The following ARMH3 variants were observed in gnomAD, a reference collection of about 807,000 sequenced individuals.
ARMH3 encodes armadillo-like helical domain-containing protein 3.
Under a neutral mutation model 99.1 loss-of-function variants are expected in ARMH3, and 60 were observed. The observed-to-expected ratio is 0.61, with a 90% CI of 0.49 to 0.75. ARMH3 has a LOEUF of 0.75. Ranked by LOEUF, ARMH3 falls within the 30% of genes least tolerant of loss-of-function variation. The pLI, the probability that ARMH3 is intolerant of heterozygous loss-of-function variation, is 0.00. For synonymous variants in ARMH3, 285 were observed against 292.8 expected, an observed-to-expected ratio of 0.97 and a Z score of 0.27; for missense variants, 679 against 843.1, an observed-to-expected ratio of 0.81 and a Z score of 2.41.
rs550595765 is a variant in ARMH3 at position 101,934,758 on chromosome 10, T to C, written c.1781+5105A>G. ...GGCCTCAAATTACTTACCCTGAAAG[T>C]TGTTTGGTTAGATGAAGGTCAGATT... On this transcript the variant is annotated intron_variant, in intron 23 of 25. Transcript: ENST00000370033. Among the ~76,000 whole-genome samples the C allele has an allele frequency of 2.1e-4, 32 of 152,128 alleles. 1 individual carries two copies. The highest frequency in any genetic ancestry group is 3.1e-4 in the Non-Finnish European group (21 of 68,022).
intron 24 of ARMH3, among the ~76,000 whole-genome samples, chr10:101,870,105 T>C (rs995120152): frequency 1.9e-4 from 29 of 152,144 alleles, no homozygotes; most frequent in East Asian, 3.9e-4. Flanking sequence ...ATTAATAAAA[T>C]TGACAAACCT....
At chr10:102,037,540 CA>C (rs2067306801) in intron 2 of ARMH3, among the ~76,000 whole-genome samples, 1 of 151,900 alleles carries the variant, frequency 6.6e-6, no homozygotes, top group Non-Finnish European at 1.5e-5. Flanking sequence ...GGCCTTCTCA[CA>C]ACGTCCTCAT....
intron 24 of ARMH3, among the ~76,000 whole-genome samples, chr10:101,882,375 T>C (rs907723298): frequency 6.6e-6 from 1 of 152,204 alleles, no homozygotes; most frequent in Non-Finnish European, 1.5e-5. Context: ...AGAGCAGATA[T>C]AAATCACCAT....
intron 23 of ARMH3, among the ~76,000 whole-genome samples, chr10:101,935,353 AT>A (rs908817868): frequency 2.6e-5 from 4 of 152,076 alleles, no homozygotes; most frequent in Non-Finnish European, 5.9e-5. Flanking sequence ...AATTGTTTAA[AT>A]ACAAATAACT....
intron 17 of ARMH3, among the ~76,000 whole-genome samples, chr10:101,993,060 C>A (rs1846876288): frequency 1.3e-5 from 2 of 151,968 alleles, no homozygotes; most frequent in South Asian, 4.1e-4. Context: ...CATCTGAGGT[C>A]AGGAGCTGGA....
At chr10:101,895,437 G>A (rs1047150041) in intron 23 of ARMH3, among the ~76,000 whole-genome samples, 5 of 151,862 alleles carry the variant, frequency 3.3e-5, no homozygotes, top group African/African-American at 7.3e-5. Context: ...CCGCCACCAC[G>A]CCCGGCTAAT....
intron 1 of ARMH3, among the ~76,000 whole-genome samples, chr10:102,052,907 C>G (rs2067740995): frequency 6.6e-6 from 1 of 152,092 alleles, no homozygotes; most frequent in Non-Finnish European, 1.5e-5. Context: ...ACCATATCCC[C>G]TATGCCTCTT....
intron 19 of ARMH3, among the ~76,000 whole-genome samples, chr10:101,978,574 G>A (rs1249787645): frequency 6.6e-6 from 1 of 152,154 alleles, no homozygotes; most frequent in Non-Finnish European, 1.5e-5. Context: ...AAGGCAGGAG[G>A]ATCACTTGAA....
At chr10:101,991,830 T>C (rs569999780) in intron 18 of ARMH3, 139 bp downstream of exon 18, 5 of 909,456 alleles carry the variant, frequency 5.5e-6, no homozygotes, top group Non-Finnish European at 6.9e-6. Flanking sequence ...ACAATAAACA[T>C]GATTCTTAGG....
At chr10:102,034,690 T>A (rs1159537540) in intron 2 of ARMH3, among the ~76,000 whole-genome samples, 1 of 150,730 alleles carries the variant, frequency 6.6e-6, no homozygotes, top group Non-Finnish European at 1.5e-5. Context: ...GGGAATGGCA[T>A]AAAATAAGTA....
chr10:102,024,156 T>C (rs1413235609), intron 6 of ARMH3, among the ~76,000 whole-genome samples: 1 of 152,092 alleles, frequency 6.6e-6, no homozygotes, highest in Non-Finnish European at 1.5e-5. Flanking sequence ...CCTACAGTTA[T>C]AAAATCAAAA....
chr10:102,002,169 A>C, intron 14 of ARMH3, 97 bp from the exon 15 acceptor site: 1 of 1,549,060 alleles, frequency 6.5e-7, no homozygotes, highest in South Asian at 1.2e-5. Context: ...AAAAATCACT[A>C]AATAAGCTTT....
At chr10:102,017,100 GAT>G (rs913106048) in intron 8 of ARMH3, among the ~76,000 whole-genome samples, 2 of 152,176 alleles carry the variant, frequency 1.3e-5, no homozygotes, top group African/African-American at 4.8e-5. Context: ...TTGGTCATGA[GAT>G]TGATTGTACT....
In ARMH3 at chr10:101,928,823, C is replaced by T. The variant is rs571817722; in HGVS notation, c.1781+11040G>A. On this transcript the variant is annotated intron_variant, in intron 23 of 25. Transcript: ENST00000370033. The stretch of plus-strand genomic sequence containing the variant: ...TCGGCTCACTGCAACCTCCATCTCC[C>T]GGATTCAAGCCATTCTCCTGCCTCA... 1.0e-3 allele frequency among the ~76,000 whole-genome samples: 159 copies of T among 152,232 alleles called. 1 individual carries two copies. The highest frequency in any genetic ancestry group is 3.7e-4 in the Non-Finnish European group (25 of 68,004).
intron 23 of ARMH3, among the ~76,000 whole-genome samples, chr10:101,895,211 A>T (rs1264706391): frequency 1.3e-5 from 2 of 152,152 alleles, no homozygotes; most frequent in African/African-American, 4.8e-5. Flanking sequence ...TCCCTTCCTT[A>T]TACCACACAT....
intron 1 of ARMH3, among the ~76,000 whole-genome samples, chr10:102,040,561 C>T (rs1227546427): frequency 6.6e-6 from 1 of 152,208 alleles, no homozygotes; most frequent in Non-Finnish European, 1.5e-5. Flanking sequence ...TGCTACAGAG[C>T]TTGTGCATCT....
intron 24 of ARMH3, among the ~76,000 whole-genome samples, chr10:101,884,850 G>A (rs1261713726): frequency 6.6e-6 from 1 of 151,920 alleles, no homozygotes; most frequent in East Asian, 1.9e-4. Flanking sequence ...ATGCATAAAG[G>A]ACACTAACAA....
chr10:101,891,614 G>A (rs944998140), intron 23 of ARMH3, among the ~76,000 whole-genome samples: 13 of 152,132 alleles, frequency 8.5e-5, no homozygotes, highest in African/African-American at 2.7e-4. Flanking sequence ...CACAGCAAGA[G>A]GACATTAATG....
chr10:101,896,832 A>C (rs758412474), intron 23 of ARMH3, among the ~76,000 whole-genome samples: 1 of 151,930 alleles, frequency 6.6e-6, no homozygotes, highest in Non-Finnish European at 1.5e-5. Flanking sequence ...GCAATACCAC[A>C]AAAGGTGGCA....
Sources: gnomAD v4.1 joint callset for allele counts (sites outside exome capture counted in the v4.1 genomes callset) on GRCh38, gnomAD v4.1.1 for gene constraint, MANE v1.5 for transcripts, NCBI Gene and HGNC (gene_info 2026-07-23, HGNC 2026-07-21) for gene names.